The following MEIOB variants were observed in gnomAD, a reference collection of about 807,000 sequenced individuals.
MEIOB encodes the protein meiosis specific with OB-fold, also known as meiosis-specific with OB domain-containing protein.
A neutral mutation model predicts 53.1 loss-of-function variants in MEIOB; 50 were observed. The observed-to-expected ratio is 0.94, with a 90% CI of 0.75 to 1.19. MEIOB has a LOEUF of 1.19. Among genes scored for constraint, MEIOB ranks in the 50% most tolerant of loss-of-function variants. MEIOB has a pLI of 0.00. For missense variants in MEIOB, 551 were observed against 550.8 expected, an observed-to-expected ratio of 1.00 and a Z score of 0.00; for synonymous variants, 192 against 182.5, an observed-to-expected ratio of 1.05 and a Z score of -0.42.
chr16:1,860,434 T>C lies in MEIOB; in HGVS notation c.301A>G (p.Arg101Gly). 1 of 1,547,512 alleles carries C rather than the reference T, an allele frequency of 6.5e-7. No homozygotes were observed. ...GTTGCAGGGCTGAATTTTTCTTCTC[T>C]TTCTATTTCCTTTCTTTGGATCAGA... ...NPLIQRKEIE[R>G]EEKFSPATPS... The change falls in exon 5 of 14, where the codon AGA becomes GGA. Residue 101 changes from arginine (R) to glycine (G), a missense_variant. Physicochemically the swap from Arg to Gly is moderately radical, Grantham distance 125. Transcript: ENST00000325962.
chr16:1,852,973 C>G (rs531856398), intron 9 of MEIOB, 66 bp downstream of exon 9: 1 of 956,358 alleles, frequency 1.0e-6, no homozygotes, highest in African/African-American at 1.6e-5. Context: ...CTTAAATATA[C>G]TGTATAAATA....
At position 1,853,074 on chromosome 16, in the gene MEIOB, G is replaced by A; in HGVS notation, c.743C>T (p.Thr248Ile). ...FDKFRNCMTATVISKTIITTN... is the reference protein window; with the variant it reads ...FDKFRNCMTAIVISKTIITTN... ...TGTAATAATGGTTTTTGAGATTACA[G>A]TTGCTGTCATGCAGTTCCGAAATTT... Residue 248 changes from threonine to isoleucine, a missense_variant, in exon 9 of 14, where the codon ACT becomes ATT. Coordinates refer to ENST00000325962, the MANE Select transcript of MEIOB (RefSeq NM_001163560.3). The A allele has an allele frequency of 1.2e-6, 2 of 1,612,714 alleles. No homozygotes were observed. Among genetic ancestry groups the A allele is most frequent in the Non-Finnish European group, 1.7e-6 (2 of 1,179,014 alleles).
chr16:1,849,016 G>C (rs1363905001), intron 9 of MEIOB, among the ~76,000 whole-genome samples: 4 of 152,284 alleles, frequency 2.6e-5, no homozygotes, highest in African/African-American at 2.4e-5. Flanking sequence ...GGGGCATGGT[G>C]GCTCAGGCCT....
chr16:1,862,854 G>A (rs1282431452), intron 3 of MEIOB, among the ~76,000 whole-genome samples: 2 of 151,776 alleles, frequency 1.3e-5, no homozygotes, highest in Non-Finnish European at 2.9e-5. Flanking sequence ...GGAGGCGGAG[G>A]TTGCAGTGAG....
chr16:1,862,118 T>C lies in MEIOB; in HGVS notation c.128-2A>G. The C allele has an allele frequency of 1.9e-6, 3 of 1,549,134 alleles. No individual in the cohort carries two copies. The highest frequency in any genetic ancestry group is 1.7e-6 in the Non-Finnish European group (2 of 1,145,834). On this transcript the variant is annotated splice_acceptor_variant, in intron 3 of 13. Transcript: ENST00000325962. LOFTEE classifies it high-confidence loss of function. ...AAGTGTACCTTTCTGATCCAATATC[T>C]AAGGGAAAACCAATGCTTTTATTTT...
In MEIOB at chr16:1,839,271, T is replaced by A; in HGVS notation, c.1202A>T (p.Glu401Val). The A allele has an allele frequency of 6.2e-7, 1 of 1,608,962 alleles. No individual in the cohort carries two copies. The highest frequency in any genetic ancestry group is 8.5e-7 in the Non-Finnish European group (1 of 1,177,970). Reference sequence around the variant, plus strand: ...GCTATTTACCGTGCAGCCCAAAGTCTCCTCAGCAACACTTCCTGTGAGACT... The same window carrying A: ...GCTATTTACCGTGCAGCCCAAAGTCACCTCAGCAACACTTCCTGTGAGACT... The part of the protein sequence containing the change: ...SCSLTGSVAE[E>V]TLGCTVHEFL... Residue 401 changes from glutamate to valine, a missense_variant, in exon 12 of 14, where the codon GAG (glutamate) becomes GTG (valine). By Grantham distance (121) the Glu-to-Val change is moderately radical. Coordinates refer to ENST00000325962, the MANE Select transcript of MEIOB (RefSeq NM_001163560.3).
At position 1,860,414 on chromosome 16, in the gene MEIOB, A is replaced by T. The variant is rs1197489756; in HGVS notation, c.321T>A (p.Pro107=). 1 of 1,539,312 alleles carries T rather than the reference A, an allele frequency of 6.5e-7. No homozygotes were observed. The change falls in exon 5 of 14, where the codon CCT becomes CCA. Residue 107 remains proline, a synonymous_variant. Coordinates refer to ENST00000325962, the MANE Select transcript of MEIOB (RefSeq NM_001163560.3). ...KEIEREEKFS[P]ATPSNCKLLL... is the part of the protein sequence containing the mutation. ...AGACAGATGCTTACCTAGGAGTTGC[A>T]GGGCTGAATTTTTCTTCTCTTTCTA...
chr16:1,865,883 CT>C, intron 2 of MEIOB, 48 bp from the exon 3 acceptor site: 1 of 1,320,246 alleles, frequency 7.6e-7, no homozygotes. Context: ...CACAGATGTA[CT>C]TGATAAATTT....
chr16:1,866,951 G>T (rs1319108893), intron 2 of MEIOB, among the ~76,000 whole-genome samples: 2 of 151,942 alleles, frequency 1.3e-5, no homozygotes, highest in African/African-American at 4.8e-5. Flanking sequence ...CCTTATACTT[G>T]CAGATCTCAC....
chr16:1,864,301 T>G (rs1457097861), intron 3 of MEIOB, among the ~76,000 whole-genome samples: 2 of 152,112 alleles, frequency 1.3e-5, no homozygotes, highest in African/African-American at 4.8e-5. Flanking sequence ...TCTGTGACCT[T>G]TGGTACTGCT....
intron 1 of MEIOB, among the ~76,000 whole-genome samples, chr16:1,869,356 C>G (rs1475937128): frequency 6.6e-6 from 1 of 152,018 alleles, no homozygotes; most frequent in Admixed American, 6.6e-5. Flanking sequence ...AACTCCTGAT[C>G]TCAAGTGATC....
At chr16:1,853,328 T>C in intron 7 of MEIOB, 57 bp from the exon 8 acceptor site, 1 of 1,290,346 alleles carries the variant, frequency 7.7e-7, no homozygotes, top group Admixed American at 2.0e-5. Context: ...AAACTGATAG[T>C]GACATATTAT....
At chr16:1,846,660 T>A in intron 9 of MEIOB, among the ~76,000 whole-genome samples, 1 of 152,072 alleles carries the variant, frequency 6.6e-6, no homozygotes. Context: ...GAGACATGGA[T>A]AAAGCTGAAA....
chr16:1,869,599 C>T (rs1015466430), intron 1 of MEIOB, among the ~76,000 whole-genome samples: 3 of 151,952 alleles, frequency 2.0e-5, no homozygotes, highest in Admixed American at 1.3e-4. Context: ...AGGCACCTGC[C>T]ACCACGCCTG....
intron 9 of MEIOB, among the ~76,000 whole-genome samples, chr16:1,848,782 G>A (rs1899088269): frequency 6.6e-6 from 1 of 151,938 alleles, no homozygotes; most frequent in Non-Finnish European, 1.5e-5. Context: ...AACCTCAAGT[G>A]ATCCGCCCAC....
At chr16:1,855,743 T>C (rs546596211) in intron 6 of MEIOB, among the ~76,000 whole-genome samples, 16 of 152,322 alleles carry the variant, frequency 1.1e-4, no homozygotes, top group African/African-American at 3.1e-4. Context: ...TCTCCTGTTT[T>C]TCAAGATGAT....
chr16:1,853,933 A>G (rs1742421), intron 7 of MEIOB, among the ~76,000 whole-genome samples, 167 bp downstream of exon 7: 125,203 of 151,730 alleles, frequency 0.83, 51,776 homozygotes, highest in Middle Eastern at 0.9. Context: ...TTAAGGTGGT[A>G]TCCATAACAA....
At chr16:1,864,860 A>C (rs1899544821) in intron 3 of MEIOB, among the ~76,000 whole-genome samples, 1 of 152,164 alleles carries the variant, frequency 6.6e-6, no homozygotes, top group Admixed American at 6.5e-5. Context: ...CACACATTTT[A>C]AGTGATGCCT....
In MEIOB at chr16:1,857,741, C is replaced by A; in HGVS notation, c.522G>T (p.Val174=). Residue 174 remains valine (V), a synonymous_variant, in exon 6 of 14, where the codon GTG becomes GTT. Transcript: ENST00000325962. The part of the protein sequence containing the change: ...NGRIINVLAA[V]KSVGEPKYFT... ...TGTCGGGGTTTTAACTTACCGATTT[C>A]ACAGCTGCAAGCACGTTAATAATCC... 6.4e-7 allele frequency: 1 copy of A among 1,550,966 alleles called. No individual in the cohort carries two copies. Among genetic ancestry groups the A allele is most frequent in the South Asian group, 1.2e-5 (1 of 83,584 alleles).
Sources: allele counts gnomAD v4.1 joint callset (sites outside exome capture counted in the v4.1 genomes callset), GRCh38; gene constraint gnomAD v4.1.1; transcripts MANE v1.5; gene names NCBI Gene and HGNC (gene_info 2026-07-23, HGNC 2026-07-21).